CMTM5: variants seen among roughly 807,000 people sequenced by gnomAD.
The protein encoded by CMTM5 is CKLF-like MARVEL transmembrane domain-containing protein 5.
CMTM5 carries 25 observed loss-of-function variants against 26.9 expected under a neutral mutation model. That is an observed-to-expected ratio of 0.93 (90% confidence interval 0.68 to 1.30). The LOEUF is 1.30. Among genes scored for constraint, CMTM5 ranks in the 50% most tolerant of loss-of-function variants. CMTM5 has a pLI of 0.00. For synonymous variants in CMTM5, 98 were observed against 115.5 expected (o/e 0.85, Z 0.97); for missense variants, 292 against 289.6 (o/e 1.01, Z -0.06).
rs373898985 is a variant in CMTM5, at chr14:23,378,346, C to T, written c.127-3C>T. 1.4e-5 allele frequency: 23 copies of T among 1,613,754 alleles called. No individual in the cohort carries two copies. Among genetic ancestry groups the T allele is most frequent in the South Asian group, 4.4e-5 (4 of 91,062 alleles). Reference sequence around the variant, plus strand: ...GGCATGTTCCACATGCTCGGTCCTGCAGGCCCTGACCCTCATCATCTTCAT... The same window carrying T: ...GGCATGTTCCACATGCTCGGTCCTGTAGGCCCTGACCCTCATCATCTTCAT... On this transcript the variant is annotated splice_region_variant and splice_polypyrimidine_tract_variant and intron_variant, in intron 1 of 5. Coordinates refer to ENST00000339180, the MANE Select transcript of CMTM5 (RefSeq NM_001288746.2). This position sits in a 1 kb window ranked among gnomAD's most constrained non-coding sequence, Gnocchi z 4.2.
In CMTM5 at chr14:23,377,251, G is replaced by A. The variant is rs960855513; in HGVS notation, c.-1G>A. On this transcript the variant is annotated 5_prime_UTR_variant, in exon 1 of 6. Coordinates refer to ENST00000339180, the MANE Select transcript of CMTM5 (RefSeq NM_001288746.2). The surrounding 1 kb of genome is among the most constrained non-coding windows in gnomAD (Gnocchi z 4.6). ...GGGCTGTGTTGGTGGGCCCTACGAA[G>A]ATGCTCAGTGCTCGAGATCGCCGGG... The A allele has an allele frequency of 6.2e-7, 1 of 1,612,144 alleles. No individual in the cohort carries two copies. The highest frequency in any genetic ancestry group is 1.3e-5 in the African/African-American group (1 of 75,014).
rs892441174 is a variant in CMTM5 at position 23,379,708 on chromosome 14, AG to A, written c.*228del. On this transcript the variant is annotated 3_prime_UTR_variant, in exon 6 of 6. Transcript: ENST00000339180. ...CCAGAGGAGGGGAACTTATTGGGGG[AG>A]GGGGGGTGGAGGGGAGGAATCTGGA... 2.6e-4 allele frequency: 104 copies of A among 398,666 alleles called. No individual in the cohort carries two copies. Among genetic ancestry groups the A allele is most frequent in the East Asian group, 5.0e-4 (8 of 16,042 alleles). 24.7% of individuals were successfully genotyped at this position (398,666 alleles called of 1,614,324 possible). A position where few individuals can be genotyped will look rare whatever the true frequency, so the allele number is the denominator to read the frequency against.
In CMTM5 at chr14:23,377,264, C is replaced by G; in HGVS notation, c.13C>G (p.Arg5Gly). 1.2e-6 allele frequency: 2 copies of G among 1,612,266 alleles called. No individual in the cohort carries two copies. Among genetic ancestry groups the G allele is most frequent in the Non-Finnish European group, 1.7e-6 (2 of 1,179,366 alleles). Reference protein sequence around the residue: MLSARDRRDRHPEEG... With the variant: MLSAGDRRDRHPEEG... ...GGGCCCTACGAAGATGCTCAGTGCT[C>G]GAGATCGCCGGGACCGGCACCCTGA... The change falls in exon 1 of 6, where the codon CGA becomes GGA. Residue 5 changes from arginine to glycine, a missense_variant. Arg to Gly is a moderately radical substitution (Grantham distance 125). Transcript: ENST00000339180. This position sits in a 1 kb window ranked among gnomAD's most constrained non-coding sequence, Gnocchi z 4.6.
chr14:23,378,041 G>C lies in CMTM5; in HGVS notation c.127-308G>C, dbSNP rs1890656036. 2.8e-6 allele frequency: 1 copy of C among 356,630 alleles called. No individual in the cohort carries two copies. Among genetic ancestry groups the C allele is most frequent in the Admixed American group, 4.4e-5 (1 of 22,708 alleles). 22.1% of individuals were successfully genotyped at this position (356,630 alleles called of 1,614,324 possible). The stretch of plus-strand genomic sequence containing the variant: ...TCGGGTCTCTGTGGGCACAACTCCA[G>C]GGGCTGGCATTCACACTGTACCTAT... On this transcript the variant is annotated intron_variant, in intron 1 of 5. Transcript: ENST00000339180. This position sits in a 1 kb window ranked among gnomAD's most constrained non-coding sequence, Gnocchi z 4.2.
In CMTM5 at chr14:23,379,290, C is replaced by A; in HGVS notation, c.574-9C>A. 3 of 1,614,126 alleles carry A rather than the reference C, an allele frequency of 1.9e-6. No homozygotes were observed. In the South Asian group the frequency reaches 3.3e-5, roughly 18 times the overall value. Reference sequence around the variant, plus strand: ...CTCTGTTTTGCCATCCCCACTCCCACTCCCACAGGTTTTTGGCATCATCCT... The same window carrying A: ...CTCTGTTTTGCCATCCCCACTCCCAATCCCACAGGTTTTTGGCATCATCCT... On this transcript the variant is annotated splice_polypyrimidine_tract_variant and intron_variant, in intron 4 of 5. Transcript: ENST00000339180.
Position 23,377,672 on chromosome 14 carries a change from C to A in CMTM5, c.126+295C>A, listed in dbSNP as rs1048919812. On this transcript the variant is annotated intron_variant, in intron 1 of 5. Transcript: ENST00000339180. The surrounding 1 kb of genome is among the most constrained non-coding windows in gnomAD (Gnocchi z 4.6). ...AGGGATGGGACAGGGGCAATGACAG[C>A]CTCTAACATGGCCACTTCTCAGCAC... 6.1e-6 allele frequency: 2 copies of A among 330,094 alleles called. No homozygotes were observed. Among genetic ancestry groups the A allele is most frequent in the East Asian group, 9.8e-5 (2 of 20,412 alleles). 20.4% of individuals were successfully genotyped at this position (330,094 alleles called of 1,614,324 possible).
chr14:23,378,967 A>G lies in CMTM5; in HGVS notation c.481-64A>G. ...AGGGTCGGGCTGCTGGCTAGCCTGG[A>G]AAACTTCAGGGTAACGCCCCCTGCC... On this transcript the variant is annotated intron_variant, in intron 3 of 5. Transcript: ENST00000339180. This position sits in a 1 kb window ranked among gnomAD's most constrained non-coding sequence, Gnocchi z 4.2. 1 of 1,609,040 alleles carries G rather than the reference A, an allele frequency of 6.2e-7. No individual in the cohort carries two copies. Among genetic ancestry groups the G allele is most frequent in the Non-Finnish European group, 8.5e-7 (1 of 1,176,422 alleles).
At position 23,378,125 on chromosome 14, in the gene CMTM5, G is replaced by A; in HGVS notation, c.127-224G>A. The A allele has an allele frequency of 1.7e-6, 1 of 589,334 alleles. No homozygotes were observed. The allele number at this position is 589,334 out of a possible 1,614,324, so 36.5% of individuals were successfully genotyped here. On this transcript the variant is annotated intron_variant, in intron 1 of 5. Transcript: ENST00000339180. This position sits in a 1 kb window ranked among gnomAD's most constrained non-coding sequence, Gnocchi z 4.2. ...ATGGCTTGGCCAGACTGCTGGGGTT[G>A]CTGGGTGAGCAGAGTGGGAGGCCGG...
chr14:23,378,155 T>G lies in CMTM5; in HGVS notation c.127-194T>G. The G allele has an allele frequency of 3.2e-6, 2 of 634,522 alleles. No homozygotes were observed. The highest frequency in any genetic ancestry group is 2.0e-5 in the South Asian group (1 of 50,540). The allele number at this position is 634,522 out of a possible 1,614,324, so 39.3% of individuals were successfully genotyped here. A position where few individuals can be genotyped will look rare whatever the true frequency, so the allele number is the denominator to read the frequency against. On this transcript the variant is annotated intron_variant, in intron 1 of 5. Coordinates refer to ENST00000339180, the MANE Select transcript of CMTM5 (RefSeq NM_001288746.2). The surrounding 1 kb of genome is among the most constrained non-coding windows in gnomAD (Gnocchi z 4.2). ...GTGAGCAGAGTGGGAGGCCGGAGACTGCCCTTGACCGGCAAATGCCCTGCA... is the reference window on the plus strand; with the variant it reads ...GTGAGCAGAGTGGGAGGCCGGAGACGGCCCTTGACCGGCAAATGCCCTGCA...
rs770567891 is a variant in CMTM5 at position 23,379,375 on chromosome 14, C to T, written c.650C>T (p.Ala217Val). 1 of 1,614,046 alleles carries T rather than the reference C, an allele frequency of 6.2e-7. No individual in the cohort carries two copies. Among genetic ancestry groups the T allele is most frequent in the Admixed American group, 1.7e-5 (1 of 59,996 alleles). ...KIYRTEMAPG[A>V]SQGDQQ ...TACCGGACTGAGATGGCACCCGGGG[C>T]CAGCCAGGGTGAGTGCCTGTGCTCT... Residue 217 changes from alanine (A) to valine (V), a missense_variant, in exon 5 of 6, where the codon GCC becomes GTC. Physicochemically the swap from Ala to Val is moderately conservative, Grantham distance 64. Coordinates refer to ENST00000339180, the MANE Select transcript of CMTM5 (RefSeq NM_001288746.2).
chr14:23,379,318 T>A lies in CMTM5; in HGVS notation c.593T>A (p.Val198Asp). The change falls in exon 5 of 6, where the codon GTT (valine) becomes GAT (aspartate). Residue 198 changes from valine to aspartate, a missense_variant. By Grantham distance (152) the Val-to-Asp change is radical. Coordinates refer to ENST00000339180, the MANE Select transcript of CMTM5 (RefSeq NM_001288746.2). ...CCACAGGTTTTTGGCATCATCCTGG[T>A]TTCCATCTTTGCCTATGATGCCTTC... Reference protein sequence around the residue: ...IAAFVFGIILVSIFAYDAFKI... With the variant: ...IAAFVFGIILDSIFAYDAFKI... 1 of 1,614,170 alleles carries A rather than the reference T, an allele frequency of 6.2e-7. No individual in the cohort carries two copies. Among genetic ancestry groups the A allele is most frequent in the South Asian group, 1.1e-5 (1 of 91,086 alleles).
chr14:23,378,703 C>T lies in CMTM5; in HGVS notation c.314C>T (p.Pro105Leu), dbSNP rs781008966. 2.0e-5 allele frequency: 33 copies of T among 1,612,652 alleles called. No individual in the cohort carries two copies. Among genetic ancestry groups the T allele is most frequent in the African/African-American group, 1.9e-4 (14 of 74,876 alleles). ...CACGGGCAATCAGGAGGACCACATC[C>T]GCTAGATCTACTCTCCCACTCAGCA... Reference protein sequence around the residue: ...QGHGQSGGPHPLDLLSHSAKV... With the variant: ...QGHGQSGGPHLLDLLSHSAKV... The change falls in exon 3 of 6, where the codon CCG (proline) becomes CTG (leucine). Residue 105 changes from proline to leucine, a missense_variant. Transcript: ENST00000339180. This position sits in a 1 kb window ranked among gnomAD's most constrained non-coding sequence, Gnocchi z 4.2.
In CMTM5 at chr14:23,379,112, A is replaced by G. The variant is rs142300501; in HGVS notation, c.562A>G (p.Ile188Val). ...TGTGACCTCCCGGGACGGAGCTGCC[A>G]TTGCTGCTTTTGTGAGTTCAGCCCT... is the stretch of plus-strand genomic sequence containing the variant. ...AAVTSRDGAAIAAFVFGIILV... is the reference protein window; with the variant it reads ...AAVTSRDGAAVAAFVFGIILV... The change falls in exon 4 of 6, where the codon ATT becomes GTT. Residue 188 changes from isoleucine (I) to valine (V), a missense_variant. Ile to Val is a conservative substitution (Grantham distance 29). Transcript: ENST00000339180. 20 of 1,613,712 alleles carry G rather than the reference A, an allele frequency of 1.2e-5. No individual in the cohort carries two copies. The highest frequency in any genetic ancestry group is 5.3e-5 in the African/African-American group (4 of 74,876).
rs2138573564 is a variant in CMTM5, at chr14:23,379,741, A to C, written c.*254A>C. 1.2e-6 allele frequency: 1 copy of C among 859,958 alleles called. No individual in the cohort carries two copies. The highest frequency in any genetic ancestry group is 1.7e-6 in the Non-Finnish European group (1 of 577,352). 53.3% of individuals were successfully genotyped at this position (859,958 alleles called of 1,614,324 possible). A position where few individuals can be genotyped will look rare whatever the true frequency, so the allele number is the denominator to read the frequency against. On this transcript the variant is annotated 3_prime_UTR_variant, in exon 6 of 6. Coordinates refer to ENST00000339180, the MANE Select transcript of CMTM5 (RefSeq NM_001288746.2). ...TGGAGGGGAGGAATCTGGACCTCTA[A>C]GTCATTCCCAAATTAAAATATTCAA...
rs1284244723 is a variant in CMTM5 at position 23,379,715 on chromosome 14, G to T, written c.*228G>T. The stretch of plus-strand genomic sequence containing the variant: ...AGGGGAACTTATTGGGGGAGGGGGG[G>T]TGGAGGGGAGGAATCTGGACCTCTA... On this transcript the variant is annotated 3_prime_UTR_variant, in exon 6 of 6. Coordinates refer to ENST00000339180, the MANE Select transcript of CMTM5 (RefSeq NM_001288746.2). 10 of 828,428 alleles carry T rather than the reference G, an allele frequency of 1.2e-5. No homozygotes were observed. The highest frequency in any genetic ancestry group is 3.5e-5 in the East Asian group (1 of 28,634). 51.3% of individuals were successfully genotyped at this position (828,428 alleles called of 1,614,324 possible).
Position 23,379,019 on chromosome 14 carries a change from C to A in CMTM5, c.481-12C>A. 1 of 1,614,052 alleles carries A rather than the reference C, an allele frequency of 6.2e-7. No homozygotes were observed. Among genetic ancestry groups the A allele is most frequent in the South Asian group, 1.1e-5 (1 of 91,082 alleles). ...TCTGAGGTCCTGTTAACCCTGCACC[C>A]CTGGCCCCCAGGACTTCCTGCGCTG... On this transcript the variant is annotated splice_polypyrimidine_tract_variant and intron_variant, in intron 3 of 5. Coordinates refer to ENST00000339180, the MANE Select transcript of CMTM5 (RefSeq NM_001288746.2).
rs146620014 is a variant in CMTM5, at chr14:23,379,711, G to C, written c.*224G>C. 165 of 960,846 alleles carry C rather than the reference G, an allele frequency of 1.7e-4. 6 individuals carry two copies. In the East Asian group the frequency reaches 4.3e-3, roughly 25 times the overall value. 59.5% of individuals were successfully genotyped at this position (960,846 alleles called of 1,614,324 possible). A position where few individuals can be genotyped will look rare whatever the true frequency, so the allele number is the denominator to read the frequency against. On this transcript the variant is annotated 3_prime_UTR_variant, in exon 6 of 6. Transcript: ENST00000339180. ...GAGGAGGGGAACTTATTGGGGGAGG[G>C]GGGGTGGAGGGGAGGAATCTGGACC...
At position 23,379,530 on chromosome 14, in the gene CMTM5, A is replaced by G. The variant is rs1890775797; in HGVS notation, c.*43A>G. ...TCCTAGGCCCAGCCAGCCAGAGAGG[A>G]CAGTGGAGCCCAGACACGTCTCCTT... On this transcript the variant is annotated 3_prime_UTR_variant, in exon 6 of 6. Coordinates refer to ENST00000339180, the MANE Select transcript of CMTM5 (RefSeq NM_001288746.2). 1.2e-6 allele frequency: 2 copies of G among 1,611,608 alleles called. No homozygotes were observed. Among genetic ancestry groups the G allele is most frequent in the African/African-American group, 1.3e-5 (1 of 74,852 alleles).
In CMTM5 at chr14:23,379,645, C is replaced by G; in HGVS notation, c.*158C>G. 2.7e-6 allele frequency: 4 copies of G among 1,477,360 alleles called. No individual in the cohort carries two copies. The highest frequency in any genetic ancestry group is 2.7e-5 in the South Asian group (2 of 75,354). The allele number at this position is 1,477,360 out of a possible 1,614,324, so 91.5% of individuals were successfully genotyped here. ...CGTCACTGGGGACTTATCTGTGGAG[C>G]CTGGTGCTCCAGGATGTGGCTTCTC... On this transcript the variant is annotated 3_prime_UTR_variant, in exon 6 of 6. Coordinates refer to ENST00000339180, the MANE Select transcript of CMTM5 (RefSeq NM_001288746.2).
Sources: gnomAD v4.1 joint callset for allele counts on GRCh38, gnomAD v4.1.1 for gene constraint, Gnocchi (gnomAD v3.1) non-coding constraint, MANE v1.5 for transcripts, NCBI Gene and HGNC (gene_info 2026-07-23, HGNC 2026-07-21) for gene names.